CCDC146: variants seen among roughly 807,000 people sequenced by gnomAD.
The protein encoded by CCDC146 is coiled-coil domain containing 146.
In CCDC146, 92 loss-of-function variants were observed where a neutral mutation model predicts 119.3. The observed-to-expected ratio is 0.77, with a 90% CI of 0.65 to 0.92. The LOEUF (loss-of-function observed/expected upper bound fraction) is 0.92, where lower values mean the gene tolerates loss of function less well. Among genes scored for constraint, CCDC146 ranks in the 40% least tolerant of loss-of-function variants. CCDC146 has a pLI of 0.00. For synonymous variants in CCDC146, 372 were observed against 371.8 expected (o/e 1.00, Z -0.01); for missense variants, 1,000 against 1,103.0 (o/e 0.91, Z 1.32).
intron 2 of CCDC146, chr7:77,199,050 C>T: frequency 1.3e-6 from 1 of 768,288 alleles, no homozygotes; most frequent in East Asian, 2.5e-5. Context: ...TTATTTTTTC[C>T]TGTGCACCTT....
chr7:77,276,905 T>C (rs1793656496), intron 11 of CCDC146, among the ~76,000 whole-genome samples: 1 of 152,168 alleles, frequency 6.6e-6, no homozygotes, highest in Non-Finnish European at 1.5e-5. Flanking sequence ...AGCCCATCTC[T>C]ACTAAAAGTA....
chr7:77,185,473 G>A (rs1015267938), intron 2 of CCDC146, among the ~76,000 whole-genome samples: 1 of 152,146 alleles, frequency 6.6e-6, no homozygotes, highest in African/African-American at 2.4e-5. Flanking sequence ...AGAACTTCCA[G>A]ATCTTATCCA....
At chr7:77,125,009 A>G (rs1200819125) in intron 1 of CCDC146, among the ~76,000 whole-genome samples, 2 of 151,996 alleles carry the variant, frequency 1.3e-5, no homozygotes, top group Admixed American at 1.3e-4. Flanking sequence ...CCTGGCCAAC[A>G]TGGTGAAACT....
chr7:77,211,130 A>G lies in CCDC146; in HGVS notation c.157-25817A>G, dbSNP rs139055368. Among the ~76,000 whole-genome samples, 652 of 152,304 alleles carry G rather than the reference A, an allele frequency of 4.3e-3. 6 individuals are homozygous for G. Among genetic ancestry groups the G allele is most frequent in the African/African-American group, 0.015 (613 of 41,564 alleles). On this transcript the variant is annotated intron_variant, in intron 2 of 18. Transcript: ENST00000285871. ...CCAAATACCCAAGTAACCACCACCC[A>G]GGTCAAAAAATAAAACATTAGCTCT... is the stretch of plus-strand genomic sequence containing the variant.
At chr7:77,264,351 G>A (rs765097258) in intron 9 of CCDC146, among the ~76,000 whole-genome samples, 4 of 151,980 alleles carry the variant, frequency 2.6e-5, no homozygotes, top group Admixed American at 6.5e-5. Context: ...TCCACCTCCC[G>A]GGTTTAAGCA....
At chr7:77,239,827 T>A (rs1792810731) in intron 3 of CCDC146, among the ~76,000 whole-genome samples, 1 of 152,218 alleles carries the variant, frequency 6.6e-6, no homozygotes. Context: ...GATTCCGCCA[T>A]GTCCTTTTTC....
At chr7:77,249,792 T>A (rs1489965639) in intron 4 of CCDC146, among the ~76,000 whole-genome samples, 2 of 152,216 alleles carry the variant, frequency 1.3e-5, no homozygotes, top group African/African-American at 4.8e-5. Context: ...ATCTTTTAAC[T>A]GACATTTAAA....
At position 77,244,698 on chromosome 7, in the gene CCDC146, G is replaced by C. The variant is rs189142458; in HGVS notation, c.449+2798G>C. 6.6e-5 allele frequency among the ~76,000 whole-genome samples: 10 copies of C among 152,352 alleles called. No homozygotes were observed. In the East Asian group the frequency reaches 1.7e-3, roughly 26 times the overall value. The stretch of plus-strand genomic sequence containing the variant: ...CACTCCGTGATGTTCACACAATGAT[G>C]AAGTTGCCTAACGACGCGTCTCTCA... On this transcript the variant is annotated intron_variant, in intron 4 of 18. Coordinates refer to ENST00000285871, the MANE Select transcript of CCDC146 (RefSeq NM_020879.3).
Position 77,196,116 on chromosome 7 carries a change from C to T in CCDC146, c.156+28292C>T. 1 of 588,254 alleles carries T rather than the reference C, an allele frequency of 1.7e-6. No individual in the cohort carries two copies. The highest frequency in any genetic ancestry group is 2.4e-5 in the South Asian group (1 of 41,796). 36.4% of individuals were successfully genotyped at this position (588,254 alleles called of 1,614,324 possible). ...AACAACAAAGGACTCCTTTAAAATGCATTGTTTTTCAGCTTTATTTCAAAT... is the reference window on the plus strand; with the variant it reads ...AACAACAAAGGACTCCTTTAAAATGTATTGTTTTTCAGCTTTATTTCAAAT... On this transcript the variant is annotated intron_variant, in intron 2 of 18. Coordinates refer to ENST00000285871, the MANE Select transcript of CCDC146 (RefSeq NM_020879.3). The surrounding 1 kb of genome is among the most constrained non-coding windows in gnomAD (Gnocchi z 4.2).
At chr7:77,192,148 C>T (rs139895361) in intron 2 of CCDC146, among the ~76,000 whole-genome samples, 2,355 of 151,928 alleles carry the variant, frequency 0.016, 62 homozygotes, top group African/African-American at 0.054. Flanking sequence ...GCTGGTCTCA[C>T]GTGATCCGCC....
Position 77,197,297 on chromosome 7 carries a change from C to T in CCDC146, c.156+29473C>T, listed in dbSNP as rs117188714. Among the ~76,000 whole-genome samples, 652 of 152,352 alleles carry T rather than the reference C, an allele frequency of 4.3e-3. 2 individuals carry two copies. Among genetic ancestry groups the T allele is most frequent in the Non-Finnish European group, 7.0e-3 (475 of 68,026 alleles). ...TATTATGTAGTGAGGCCTACCTATA[C>T]GTTCTAGGCATGCTGCCAGACTGGG... On this transcript the variant is annotated intron_variant, in intron 2 of 18. Transcript: ENST00000285871.
chr7:77,180,443 T>C (rs1033667201), intron 2 of CCDC146, among the ~76,000 whole-genome samples: 5 of 152,198 alleles, frequency 3.3e-5, no homozygotes, highest in African/African-American at 1.2e-4. Context: ...CTCACACCTG[T>C]AATCCAACAC....
intron 2 of CCDC146, among the ~76,000 whole-genome samples, chr7:77,173,779 G>A (rs1404510123): frequency 1.3e-5 from 2 of 151,490 alleles, no homozygotes; most frequent in Non-Finnish European, 3.0e-5. Context: ...TTGTCCTATT[G>A]GATATTTAAT....
chr7:77,140,771 A>C (rs1477867928), intron 1 of CCDC146, among the ~76,000 whole-genome samples: 1 of 152,220 alleles, frequency 6.6e-6, no homozygotes, highest in Non-Finnish European at 1.5e-5. Context: ...AGGAAAATCT[A>C]ATTCAATACA....
At chr7:77,223,378 G>A (rs992055015) in intron 2 of CCDC146, among the ~76,000 whole-genome samples, 12 of 152,146 alleles carry the variant, frequency 7.9e-5, no homozygotes, top group East Asian at 1.9e-4. Context: ...CTTGCCCATC[G>A]CATTTGCTCT....
chr7:77,210,832 G>A (rs1387156077), intron 2 of CCDC146, among the ~76,000 whole-genome samples: 2 of 152,144 alleles, frequency 1.3e-5, no homozygotes, highest in Non-Finnish European at 2.9e-5. Flanking sequence ...TGGGGCAGGA[G>A]GGAGAGAGTG....
intron 11 of CCDC146, among the ~76,000 whole-genome samples, chr7:77,276,831 G>A (rs569013874): frequency 6.6e-6 from 1 of 152,314 alleles, no homozygotes; most frequent in African/African-American, 2.4e-5. Context: ...AACACGTTGG[G>A]AGGCCAAGGC....
chr7:77,161,544 A>T (rs1260038160), intron 1 of CCDC146, among the ~76,000 whole-genome samples: 1 of 150,502 alleles, frequency 6.6e-6, no homozygotes, highest in Admixed American at 6.7e-5. Flanking sequence ...AGAACAAAAA[A>T]CCAAACACCG....
chr7:77,265,858 G>A (rs548831494), intron 9 of CCDC146, among the ~76,000 whole-genome samples: 3 of 152,350 alleles, frequency 2.0e-5, no homozygotes, highest in East Asian at 3.9e-4. Flanking sequence ...TTGCCAAGTC[G>A]AGACTTGGGC....
Sources: allele counts gnomAD v4.1 joint callset (sites outside exome capture counted in the v4.1 genomes callset), GRCh38; gene constraint gnomAD v4.1.1; non-coding constraint Gnocchi (gnomAD v3.1); transcripts MANE v1.5; gene names NCBI Gene and HGNC (gene_info 2026-07-23, HGNC 2026-07-21).